SYNE1: variants seen among roughly 807,000 people sequenced by gnomAD.
The protein encoded by SYNE1 is spectrin repeat containing nuclear envelope protein 1.
Under a neutral mutation model 1,111.0 loss-of-function variants are expected in SYNE1, and 616 were observed. That is an observed-to-expected ratio of 0.55 (90% CI 0.52 to 0.59). SYNE1 has a LOEUF of 0.59. Ranked by LOEUF, SYNE1 falls within the 20% of genes least tolerant of loss-of-function variation. The pLI, the probability that SYNE1 is intolerant of heterozygous loss-of-function variation, is 0.00. For synonymous variants in SYNE1, 3,855 were observed against 3,825.8 expected (o/e 1.01, Z -0.28); for missense variants, 10,006 against 10,417.0 (o/e 0.96, Z 1.72).
chr6:152,363,265 C>A (rs75655633), intron 63 of SYNE1, among the ~76,000 whole-genome samples: 1 of 145,870 alleles, frequency 6.9e-6, no homozygotes, highest in Non-Finnish European at 1.5e-5. Context: ...GAGGCCAAGG[C>A]GGGTGGATCA....
intron 65 of SYNE1, 139 bp from the exon 66 acceptor site, chr6:152,358,676 A>C: frequency 1.2e-6 from 1 of 804,968 alleles, no homozygotes; most frequent in East Asian, 2.7e-5. Context: ...AGAATCATGA[A>C]TCTTCAATAT....
At chr6:152,636,165 G>T (rs976454103) in intron 2 of SYNE1, among the ~76,000 whole-genome samples, 2 of 152,134 alleles carry the variant, frequency 1.3e-5, no homozygotes, top group African/African-American at 2.4e-5. Context: ...AGTCTGACGC[G>T]CCAGGGCCTC....
intron 74 of SYNE1, among the ~76,000 whole-genome samples, chr6:152,341,324 T>C (rs2096530154): frequency 6.6e-6 from 1 of 152,188 alleles, no homozygotes; most frequent in South Asian, 2.1e-4. Context: ...ACATATTTAA[T>C]TGAAAGGAAT....
intron 4 of SYNE1, among the ~76,000 whole-genome samples, chr6:152,531,002 C>T (rs2099197009): frequency 6.6e-6 from 1 of 151,940 alleles, no homozygotes; most frequent in African/African-American, 2.4e-5. Context: ...TCTACTCAAC[C>T]TGACCCACCT....
intron 109 of SYNE1, 60 bp from the exon 110 acceptor site, chr6:152,236,363 T>C (rs2084039478): frequency 7.9e-7 from 1 of 1,262,098 alleles, no homozygotes; most frequent in African/African-American, 1.5e-5. Context: ...CTTTAAGAAT[T>C]ATAATTTCTC....
intron 95 of SYNE1, among the ~76,000 whole-genome samples, chr6:152,286,004 T>A (rs544073562): frequency 6.6e-6 from 1 of 152,232 alleles, no homozygotes; most frequent in Non-Finnish European, 1.5e-5. Flanking sequence ...AATGTGCCCT[T>A]ATTTGCATAA....
rs146939536 is a variant in SYNE1 at position 152,287,897 on chromosome 6, C to T, written c.18013-3725G>A. On this transcript the variant is annotated intron_variant, in intron 95 of 145. Transcript: ENST00000367255. ...TCAACCTCCACCAAAAAACTTGCTG[C>T]AATTTTTAAAACGTGATTGCAATGA... Among the ~76,000 whole-genome samples, 35 of 152,192 alleles carry T rather than the reference C, an allele frequency of 2.3e-4. 1 individual carries two copies. The East Asian group carries it at 6.0e-3, about 26-fold the overall frequency.
intron 130 of SYNE1, among the ~76,000 whole-genome samples, chr6:152,169,422 C>T (rs570159699): frequency 4.6e-5 from 7 of 151,566 alleles, no homozygotes; most frequent in Admixed American, 1.3e-4. Flanking sequence ...ATTAGCTGGG[C>T]GTGGTGGCGG....
At chr6:152,613,790 A>G (rs2099638515) in intron 3 of SYNE1, among the ~76,000 whole-genome samples, 2 of 147,908 alleles carry the variant, frequency 1.4e-5, no homozygotes, top group African/African-American at 4.9e-5. Context: ...AAACAGATAT[A>G]TAGAGCAATG....
chr6:152,332,771 G>A (rs572546820), intron 77 of SYNE1, among the ~76,000 whole-genome samples: 8 of 152,294 alleles, frequency 5.3e-5, no homozygotes, highest in African/African-American at 1.9e-4. Context: ...AGTGTGAAAT[G>A]TAAAGAATTC....
At chr6:152,603,856 T>G (rs2099602612) in intron 3 of SYNE1, among the ~76,000 whole-genome samples, 1 of 130,948 alleles carries the variant, frequency 7.6e-6, no homozygotes, top group Non-Finnish European at 1.7e-5. Flanking sequence ...CATATATGTA[T>G]ATATAGATAG....
intron 22 of SYNE1, 25 bp downstream of exon 22, chr6:152,458,732 G>C: frequency 5.0e-6 from 8 of 1,612,118 alleles, no homozygotes; most frequent in Non-Finnish European, 5.1e-6. Context: ...TAGAATAATT[G>C]TCTCCTGAAA....
intron 56 of SYNE1, among the ~76,000 whole-genome samples, chr6:152,379,063 A>G (rs868688632): frequency 1.3e-5 from 2 of 152,244 alleles, no homozygotes; most frequent in Non-Finnish European, 2.9e-5. Context: ...ACATTGTAAG[A>G]ACTAAAGAAA....
At chr6:152,503,064 A>G (rs376336702) in intron 9 of SYNE1, among the ~76,000 whole-genome samples, 1 of 152,208 alleles carries the variant, frequency 6.6e-6, no homozygotes, top group Non-Finnish European at 1.5e-5. Context: ...TTCCTCATAC[A>G]GTATCTCATA....
chr6:152,458,910 T>G lies in SYNE1; in HGVS notation c.2415A>C (p.Pro805=). Residue 805 remains proline (P), a synonymous_variant, in exon 22 of 146, where the codon CCA becomes CCC. Transcript: ENST00000367255. ...ACAGCTGCTGAGACTCATAAAGGAG[T>G]GGGGAGTAACATTCTTTGACCTTTA... ...QLTKVKECYS[P]LLYESQQLLI... 6.2e-7 allele frequency: 1 copy of G among 1,613,594 alleles called. No individual in the cohort carries two copies. Among genetic ancestry groups the G allele is most frequent in the Non-Finnish European group, 8.5e-7 (1 of 1,179,844 alleles).
At chr6:152,315,256 C>A (rs776932481) in intron 87 of SYNE1, 1 of 132,816 alleles carries the variant, frequency 7.5e-6, no homozygotes, top group Non-Finnish European at 1.5e-5. Flanking sequence ...GGCTGGAGTG[C>A]AGTGGCATGA....
chr6:152,244,693 T>C (rs771859471), intron 105 of SYNE1, 37 bp from the exon 106 acceptor site: 1 of 1,613,172 alleles, frequency 6.2e-7, no homozygotes, highest in East Asian at 2.2e-5. Context: ...AAAACTCCCA[T>C]GAACAATTTC....
chr6:152,221,317 AG>A, intron 118 of SYNE1, 108 bp downstream of exon 118: 1 of 1,365,568 alleles, frequency 7.3e-7, no homozygotes, highest in Non-Finnish European at 1.0e-6. Flanking sequence ...AGAAGTTTAA[AG>A]GAATAGAATC....
intron 44 of SYNE1, 39 bp from the exon 45 acceptor site, chr6:152,407,235 G>C: frequency 6.2e-7 from 1 of 1,600,106 alleles, no homozygotes; most frequent in South Asian, 1.1e-5. Flanking sequence ...CATAGTCAGA[G>C]GCGTAAGATG....
Sources: allele counts gnomAD v4.1 joint callset (sites outside exome capture counted in the v4.1 genomes callset), GRCh38; gene constraint gnomAD v4.1.1; transcripts MANE v1.5; gene names NCBI Gene and HGNC (gene_info 2026-07-23, HGNC 2026-07-21).